CSMD1: variants seen among roughly 807,000 people sequenced by gnomAD.
The protein encoded by CSMD1 is CUB and Sushi multiple domains 1.
CSMD1 carries 213 observed loss-of-function variants against 417.5 expected under a neutral mutation model. The ratio of observed to expected loss-of-function variants is 0.51; its 90% CI spans 0.46 to 0.57. CSMD1 has a LOEUF of 0.57. CSMD1 is among the 20% of genes least tolerant of loss of function. The pLI, the probability that CSMD1 is intolerant of heterozygous loss-of-function variation, is 0.00. For synonymous variants in CSMD1, 2,862 were observed against 1,736.8 expected (o/e 1.65, Z -16.11); for missense variants, 6,923 against 4,529.7 (o/e 1.53, Z -15.17).
intron 3 of CSMD1, among the ~76,000 whole-genome samples, chr8:4,414,359 A>T (rs186744807): frequency 1.3e-5 from 2 of 152,266 alleles, no homozygotes; most frequent in East Asian, 3.9e-4. Context: ...GCCCAGATTC[A>T]CTTTTCTCTG....
At chr8:4,382,041 A>C (rs17335910) in intron 3 of CSMD1, among the ~76,000 whole-genome samples, 4,628 of 152,318 alleles carry the variant, frequency 0.03, 114 homozygotes, top group Non-Finnish European at 0.041. Flanking sequence ...AATTTCTGTT[A>C]TGCGACACCA....
intron 1 of CSMD1, among the ~76,000 whole-genome samples, chr8:4,824,239 G>C (rs866664947): frequency 2.6e-5 from 4 of 151,996 alleles, no homozygotes; most frequent in Admixed American, 6.6e-5. Flanking sequence ...CCAAGAAAGA[G>C]GGCTAGAGAT....
chr8:4,327,639 CA>C (rs965588177), intron 3 of CSMD1, among the ~76,000 whole-genome samples: 19 of 152,154 alleles, frequency 1.2e-4, no homozygotes, highest in African/African-American at 4.3e-4. Context: ...ACAACAACAA[CA>C]AAAAACAACA....
At chr8:4,615,949 C>T (rs777717207) in intron 2 of CSMD1, among the ~76,000 whole-genome samples, 1 of 152,148 alleles carries the variant, frequency 6.6e-6, no homozygotes, top group Non-Finnish European at 1.5e-5. Flanking sequence ...GATTAAGAAT[C>T]TAGCCAGAAT....
chr8:2,969,203 G>A (rs1445648198), intron 57 of CSMD1, among the ~76,000 whole-genome samples: 1 of 152,162 alleles, frequency 6.6e-6, no homozygotes, highest in Non-Finnish European at 1.5e-5. Flanking sequence ...GAGATCTGAT[G>A]TATTAGTGGT....
At chr8:3,142,381 G>T in intron 41 of CSMD1, 84 bp downstream of exon 41, 2 of 1,206,376 alleles carry the variant, frequency 1.7e-6, no homozygotes, top group Non-Finnish European at 2.4e-6. Flanking sequence ...CTTGGAACCA[G>T]TTAGGGAGAT....
chr8:4,652,300 A>G (rs1940949295), intron 1 of CSMD1, among the ~76,000 whole-genome samples: 2 of 152,202 alleles, frequency 1.3e-5, no homozygotes, highest in South Asian at 2.1e-4. Context: ...ATAACTGTGA[A>G]GAGACATTTG....
chr8:4,160,599 C>A (rs1260234808), intron 3 of CSMD1, among the ~76,000 whole-genome samples: 3 of 152,222 alleles, frequency 2.0e-5, no homozygotes, highest in Non-Finnish European at 4.4e-5. Context: ...CCTCCATTTA[C>A]ACACTGTGGA....
At chr8:4,535,661 G>T (rs569841991) in intron 2 of CSMD1, among the ~76,000 whole-genome samples, 1 of 152,204 alleles carries the variant, frequency 6.6e-6, no homozygotes, top group South Asian at 2.1e-4. Flanking sequence ...CAAAGACCTT[G>T]ATTCAGCCAT....
chr8:3,989,301 C>G (rs555509117), intron 5 of CSMD1, among the ~76,000 whole-genome samples: 2 of 152,188 alleles, frequency 1.3e-5, no homozygotes, highest in African/African-American at 4.8e-5. Flanking sequence ...AGACTACAGC[C>G]TAAGTCTCAC....
intron 6 of CSMD1, among the ~76,000 whole-genome samples, chr8:3,751,322 G>GTT (rs1310094403): frequency 6.9e-6 from 1 of 145,930 alleles, no homozygotes; most frequent in African/African-American, 2.5e-5. Context: ...GTGTGTGTGT[G>GTT]TGTGTATATA....
chr8:4,152,503 C>G (rs1021309786), intron 3 of CSMD1, among the ~76,000 whole-genome samples: 3 of 148,818 alleles, frequency 2.0e-5, no homozygotes, highest in African/African-American at 7.5e-5. Flanking sequence ...CACTGCAAAG[C>G]CCTGTCTCTA....
At chr8:3,029,262 C>T (rs1810166775) in intron 51 of CSMD1, 57 bp downstream of exon 51, 2 of 1,424,366 alleles carry the variant, frequency 1.4e-6, no homozygotes, top group Non-Finnish European at 1.9e-6. Flanking sequence ...CTGACATAAG[C>T]CATCTAGAAT....
chr8:4,356,079 A>G (rs967816075), intron 3 of CSMD1, among the ~76,000 whole-genome samples: 1 of 152,086 alleles, frequency 6.6e-6, no homozygotes, highest in Non-Finnish European at 1.5e-5. Flanking sequence ...ACTGCACCAT[A>G]TATGTTGTCT....
At chr8:3,839,555 A>T (rs1463727040) in intron 5 of CSMD1, among the ~76,000 whole-genome samples, 1 of 96,738 alleles carries the variant, frequency 1.0e-5, no homozygotes, top group Admixed American at 1.5e-4. Flanking sequence ...TTATATATAT[A>T]TTATAATATA....
At chr8:4,241,343 T>G (rs904929550) in intron 3 of CSMD1, among the ~76,000 whole-genome samples, 1 of 152,226 alleles carries the variant, frequency 6.6e-6, no homozygotes, top group East Asian at 1.9e-4. Flanking sequence ...CTATTTTTCC[T>G]TCAGTTCTCA....
At chr8:2,988,911 A>G (rs371431872) in intron 54 of CSMD1, among the ~76,000 whole-genome samples, 1 of 152,180 alleles carries the variant, frequency 6.6e-6, no homozygotes, top group Non-Finnish European at 1.5e-5. Context: ...TCCGCCTCAC[A>G]GTAGCACGGA....
At chr8:3,788,408 A>G (rs1223897131) in intron 5 of CSMD1, among the ~76,000 whole-genome samples, 5 of 152,164 alleles carry the variant, frequency 3.3e-5, no homozygotes, top group Admixed American at 1.3e-4. Flanking sequence ...GACCCAAGTG[A>G]GGCTTCTGGA....
At chr8:3,238,128 G>C (rs1263162334) in intron 26 of CSMD1, among the ~76,000 whole-genome samples, 1 of 151,948 alleles carries the variant, frequency 6.6e-6, no homozygotes, top group Admixed American at 6.6e-5. Flanking sequence ...CGTTTTATAA[G>C]ATTTGGGTAC....
Sources: allele counts gnomAD v4.1 joint callset (sites outside exome capture counted in the v4.1 genomes callset), GRCh38; gene constraint gnomAD v4.1.1; transcripts MANE v1.5; gene names NCBI Gene and HGNC (gene_info 2026-07-23, HGNC 2026-07-21).